The following RAPGEF4 variants were observed in gnomAD, a reference collection of about 807,000 sequenced individuals.
The protein encoded by RAPGEF4 is RAP guanine-nucleotide-exchange factor (GEF) 4.
RAPGEF4 carries 66 observed loss-of-function variants against 147.9 expected under a neutral mutation model. That is an observed-to-expected ratio of 0.45 (90% CI 0.37 to 0.55). The LOEUF is 0.55. RAPGEF4 is among the 20% of genes least tolerant of loss of function. RAPGEF4 has a pLI of 0.00. For synonymous variants in RAPGEF4, 419 were observed against 442.7 expected (o/e 0.95, Z 0.67); for missense variants, 1,071 against 1,257.3 (o/e 0.85, Z 2.24).
chr2:172,776,384 C>A (rs1353930341), intron 1 of RAPGEF4, among the ~76,000 whole-genome samples: 1 of 152,156 alleles, frequency 6.6e-6, no homozygotes, highest in Non-Finnish European at 1.5e-5. Context: ...GATGACAAAG[C>A]ATTTGTGGCC....
intron 4 of RAPGEF4, chr2:172,821,804 G>A: frequency 7.5e-7 from 1 of 1,328,944 alleles, no homozygotes; most frequent in Non-Finnish European, 9.7e-7. Context: ...AGCTTTCCTG[G>A]AGAACCATCA....
intron 4 of RAPGEF4, among the ~76,000 whole-genome samples, chr2:172,909,223 G>A (rs144609919): frequency 6.6e-6 from 1 of 152,176 alleles, no homozygotes; most frequent in Non-Finnish European, 1.5e-5. Context: ...TGTAACAAAA[G>A]CCTGAGCCCT....
At chr2:172,863,675 T>C (rs1368351910) in intron 4 of RAPGEF4, among the ~76,000 whole-genome samples, 1 of 152,192 alleles carries the variant, frequency 6.6e-6, no homozygotes, top group East Asian at 1.9e-4. Flanking sequence ...AAATAACTTA[T>C]TGTGATTTTT....
intron 4 of RAPGEF4, among the ~76,000 whole-genome samples, chr2:172,847,563 C>A (rs1361291281): frequency 6.6e-6 from 1 of 152,086 alleles, no homozygotes; most frequent in African/African-American, 2.4e-5. Context: ...GGACACTGGG[C>A]TGAAGGTGGA....
In RAPGEF4 at chr2:172,991,317, G is replaced by C. The variant is rs114621733; in HGVS notation, c.1490+392G>C. Reference sequence around the variant, plus strand: ...TTGAATTTCGTATGCAGGATTTCGCGTGAAGTGTTTTCCTCTTGTTATCAG... The same window carrying C: ...TTGAATTTCGTATGCAGGATTTCGCCTGAAGTGTTTTCCTCTTGTTATCAG... On this transcript the variant is annotated intron_variant, in intron 15 of 30. Coordinates refer to ENST00000397081, the MANE Select transcript of RAPGEF4 (RefSeq NM_007023.4). 4.1e-3 allele frequency among the ~76,000 whole-genome samples: 623 copies of C among 152,266 alleles called. 3 individuals are homozygous for C. Among genetic ancestry groups the C allele is most frequent in the Non-Finnish European group, 6.5e-3 (443 of 68,012 alleles).
At chr2:172,993,756 C>T (rs1053892537) in intron 15 of RAPGEF4, among the ~76,000 whole-genome samples, 2 of 152,210 alleles carry the variant, frequency 1.3e-5, no homozygotes, top group Non-Finnish European at 2.9e-5. Context: ...GTTCCTGGCC[C>T]CTCCATCTTG....
chr2:172,798,788 G>C (rs62168123), intron 3 of RAPGEF4, among the ~76,000 whole-genome samples: 30,451 of 152,186 alleles, frequency 0.2, 3,662 homozygotes, highest in Middle Eastern at 0.31. Flanking sequence ...AAGATTGCTG[G>C]TAAGGTGTGC....
intron 1 of RAPGEF4, among the ~76,000 whole-genome samples, chr2:172,764,499 G>C (rs146298757): frequency 6.6e-6 from 1 of 152,316 alleles, no homozygotes; most frequent in East Asian, 1.9e-4. Flanking sequence ...TGTAGTCGAA[G>C]GAGTGTAGGT....
chr2:173,001,972 A>G (rs1458848432), intron 17 of RAPGEF4, among the ~76,000 whole-genome samples: 1 of 128,618 alleles, frequency 7.8e-6, no homozygotes, highest in South Asian at 2.7e-4. Flanking sequence ...GAACCAGCTT[A>G]CCACAGGAAG....
At chr2:172,988,146 T>C (rs1423376573) in intron 12 of RAPGEF4, 50 bp from the exon 13 acceptor site, 4 of 1,549,522 alleles carry the variant, frequency 2.6e-6, no homozygotes, top group African/African-American at 1.4e-5. Flanking sequence ...GTAATTTATA[T>C]TGATGTGCTT....
At chr2:172,808,813 C>T (rs1485510995) in intron 3 of RAPGEF4, among the ~76,000 whole-genome samples, 2 of 152,210 alleles carry the variant, frequency 1.3e-5, no homozygotes, top group African/African-American at 2.4e-5. Flanking sequence ...TACCAAGGCC[C>T]GTGGCTTTTC....
chr2:172,963,770 T>G (rs1313698323), intron 8 of RAPGEF4, among the ~76,000 whole-genome samples: 1 of 152,188 alleles, frequency 6.6e-6, no homozygotes, highest in Non-Finnish European at 1.5e-5. Flanking sequence ...CCCTCCTGCT[T>G]CTCACTCCAT....
chr2:173,019,927 T>C (rs1443046663), intron 22 of RAPGEF4, among the ~76,000 whole-genome samples: 1 of 152,228 alleles, frequency 6.6e-6, no homozygotes, highest in East Asian at 1.9e-4. Flanking sequence ...CACTCTGTAA[T>C]CTATTTCTTT....
intron 28 of RAPGEF4, 51 bp downstream of exon 28, chr2:173,036,263 G>A (rs1175252556): frequency 2.2e-6 from 3 of 1,362,452 alleles, no homozygotes; most frequent in East Asian, 2.3e-5. Context: ...ATTTGGGGAG[G>A]GAAATGAACA....
At chr2:173,031,481 C>G (rs546149358) in intron 26 of RAPGEF4, among the ~76,000 whole-genome samples, 245 of 152,304 alleles carry the variant, frequency 1.6e-3, no homozygotes, top group African/African-American at 4.5e-3. Context: ...CAGTCAGCTA[C>G]CAGCTTCTAA....
At chr2:172,887,495 C>T (rs952839534) in intron 4 of RAPGEF4, among the ~76,000 whole-genome samples, 1 of 152,202 alleles carries the variant, frequency 6.6e-6, no homozygotes, top group African/African-American at 2.4e-5. Flanking sequence ...GGCCTGTGGG[C>T]CAAATCCAGA....
At position 172,955,087 on chromosome 2, in the gene RAPGEF4, G is replaced by T. The variant is rs184461575; in HGVS notation, c.538-5673G>T. ...TGTCCCAATCTTGCTTGTCATTCTT[G>T]TCTCTTGGTTTAAAATGCTGTGCTT... On this transcript the variant is annotated intron_variant, in intron 6 of 30. Transcript: ENST00000397081. Among the ~76,000 whole-genome samples the T allele has an allele frequency of 6.2e-3, 942 of 152,270 alleles. 5 individuals carry two copies. The highest frequency in any genetic ancestry group is 7.4e-3 in the Non-Finnish European group (505 of 68,014).
At chr2:172,879,572 G>A (rs940708593) in intron 4 of RAPGEF4, among the ~76,000 whole-genome samples, 1 of 152,066 alleles carries the variant, frequency 6.6e-6, no homozygotes, top group East Asian at 1.9e-4. Context: ...AGGCCGAGAC[G>A]AGCAGATCAC....
rs368794857 is a variant in RAPGEF4 at position 172,990,844 on chromosome 2, A to G, written c.1409A>G (p.His470Arg). ...GCGAATACAGTCAGACTTAAAGAAC[A>G]TGACCAAGATGTCTTGGTGCTGGAG... ...VEANTVRLKE[H>R]DQDVLVLEKV... is the part of the protein sequence containing the mutation. The change falls in exon 15 of 31, where the codon CAT becomes CGT. Residue 470 changes from histidine (H) to arginine (R), a missense_variant. Physicochemically the swap from His to Arg is conservative, Grantham distance 29. Transcript: ENST00000397081. 2.5e-6 allele frequency: 4 copies of G among 1,614,090 alleles called. No individual in the cohort carries two copies. Among genetic ancestry groups the G allele is most frequent in the East Asian group, 2.2e-5 (1 of 44,878 alleles).
Sources: gnomAD v4.1 joint callset for allele counts (sites outside exome capture counted in the v4.1 genomes callset) on GRCh38, gnomAD v4.1.1 for gene constraint, MANE v1.5 for transcripts, NCBI Gene and HGNC (gene_info 2026-07-23, HGNC 2026-07-21) for gene names.